FNBP1: variants seen among roughly 807,000 people sequenced by gnomAD.
FNBP1 encodes formin binding protein 1, also known as formin-binding protein 1.
A neutral mutation model predicts 90.6 loss-of-function variants in FNBP1; 26 were observed. That is an observed-to-expected ratio of 0.29 (90% CI 0.21 to 0.40). The LOEUF (loss-of-function observed/expected upper bound fraction) is 0.40, where lower values mean the gene tolerates loss of function less well. FNBP1 is among the 10% of genes least tolerant of loss of function. The pLI is 1.00. For missense variants in FNBP1, 635 were observed against 768.0 expected (o/e 0.83, Z 2.05); for synonymous variants, 260 against 265.2 (o/e 0.98, Z 0.19).
chr9:130,000,948 G>C (rs2054742576), intron 1 of FNBP1, among the ~76,000 whole-genome samples: 1 of 152,182 alleles, frequency 6.6e-6, no homozygotes, highest in Non-Finnish European at 1.5e-5. Context: ...CTATTAAAAA[G>C]ATGTATCTTC....
chr9:130,018,209 C>T (rs940503142), intron 1 of FNBP1, among the ~76,000 whole-genome samples: 32 of 151,218 alleles, frequency 2.1e-4, no homozygotes, highest in African/African-American at 6.8e-4. Context: ...CCACTGGGCC[C>T]GGCTAATACT....
intron 12 of FNBP1, among the ~76,000 whole-genome samples, chr9:129,906,384 T>C (rs1002173626): frequency 1.3e-5 from 2 of 152,150 alleles, no homozygotes; most frequent in East Asian, 1.9e-4. Context: ...CATCTTGAAT[T>C]GTAGCTCCCA....
chr9:129,938,899 G>T (rs2043903070), intron 6 of FNBP1, among the ~76,000 whole-genome samples: 1 of 152,074 alleles, frequency 6.6e-6, no homozygotes, highest in African/African-American at 2.4e-5. Flanking sequence ...TCCAAGACTT[G>T]GCCCCCCTTT....
intron 15 of FNBP1, among the ~76,000 whole-genome samples, chr9:129,898,100 G>A (rs1427694127): frequency 6.6e-6 from 1 of 152,102 alleles, no homozygotes; most frequent in Non-Finnish European, 1.5e-5. Flanking sequence ...AAAGTTCTAG[G>A]ATTACAGGCG....
At chr9:130,004,981 G>A (rs1476720370) in intron 1 of FNBP1, among the ~76,000 whole-genome samples, 12 of 148,928 alleles carry the variant, frequency 8.1e-5, no homozygotes, top group African/African-American at 1.5e-4. Context: ...CAGGAGAATC[G>A]CTTGAACCCA....
chr9:129,930,757 G>T (rs1340434428), intron 6 of FNBP1, among the ~76,000 whole-genome samples: 2 of 152,138 alleles, frequency 1.3e-5, no homozygotes, highest in Non-Finnish European at 2.9e-5. Context: ...TACCACCTTA[G>T]ATTCACATAG....
At chr9:129,921,790 ACCAGCTGTTGATT>A (rs1314028936) in intron 10 of FNBP1, among the ~76,000 whole-genome samples, 1 of 152,134 alleles carries the variant, frequency 6.6e-6, no homozygotes, top group African/African-American at 2.4e-5. Context: ...TTTACTAGTA[ACCAGCTGTTGATT>A]CCAAGTCTAA....
chr9:129,918,913 C>T, intron 10 of FNBP1: 1 of 179,794 alleles, frequency 5.6e-6, no homozygotes, highest in Admixed American at 5.6e-5. Context: ...CAGCTCACCA[C>T]TGTTATTAGA....
At chr9:130,004,830 CT>C (rs1470943464) in intron 1 of FNBP1, among the ~76,000 whole-genome samples, 1 of 152,158 alleles carries the variant, frequency 6.6e-6, no homozygotes, top group Non-Finnish European at 1.5e-5. Flanking sequence ...CTTTGGGAGG[CT>C]GAGGTGGGTG....
intron 12 of FNBP1, among the ~76,000 whole-genome samples, chr9:129,904,518 C>A (rs112076403): frequency 0.013 from 1,972 of 152,226 alleles, 19 homozygotes; most frequent in Middle Eastern, 0.027. Flanking sequence ...CCATACAATA[C>A]AATAGAAGGC....
At chr9:129,993,345 G>T (rs996120838) in intron 2 of FNBP1, among the ~76,000 whole-genome samples, 2 of 151,794 alleles carry the variant, frequency 1.3e-5, no homozygotes, top group Non-Finnish European at 2.9e-5. Flanking sequence ...TATACAACAT[G>T]AAATCATTAA....
At chr9:129,893,112 A>T (rs2035276430) in intron 16 of FNBP1, among the ~76,000 whole-genome samples, 1 of 152,144 alleles carries the variant, frequency 6.6e-6, no homozygotes, top group Non-Finnish European at 1.5e-5. Context: ...TGAGTTTGTC[A>T]TCGGATAGAA....
rs555144141 is a variant in FNBP1 at position 129,961,676 on chromosome 9, C to G, written c.346-3123G>C. On this transcript the variant is annotated intron_variant, in intron 4 of 16. Transcript: ENST00000446176. ...TCTGCCTCCCTGTGACCTCTGCCTC[C>G]CGGGTTCAAGTGATTCTCCTGCCTC... is the stretch of plus-strand genomic sequence containing the variant. 2.6e-5 allele frequency among the ~76,000 whole-genome samples: 4 copies of G among 152,140 alleles called. No individual in the cohort carries two copies. In the East Asian group the frequency reaches 7.7e-4, roughly 29 times the overall value.
At chr9:130,036,802 T>C (rs973876590) in intron 1 of FNBP1, among the ~76,000 whole-genome samples, 1 of 151,860 alleles carries the variant, frequency 6.6e-6, no homozygotes, top group Non-Finnish European at 1.5e-5. Context: ...TCCCAACACT[T>C]TGGGAGGCCG....
Position 129,919,004 on chromosome 9 carries a change from T to TC in FNBP1, c.1171-3025_1171-3024insG, listed in dbSNP as rs1025566779. 1.3e-4 allele frequency: 27 copies of TC among 208,312 alleles called. 1 individual carries two copies. Among genetic ancestry groups the TC allele is most frequent in the African/African-American group, 5.1e-4 (22 of 43,284 alleles). 12.9% of individuals were successfully genotyped at this position (208,312 alleles called of 1,614,324 possible). A position where few individuals can be genotyped will look rare whatever the true frequency, so the allele number is the denominator to read the frequency against. On this transcript the variant is annotated intron_variant, in intron 10 of 16. Transcript: ENST00000446176. Reference sequence around the variant, plus strand: ...TTTATACAATTAGGCTTTTCTTTTTTTTTTTTTTTCCTGGTGTCCAGTTCT... The same window carrying TC: ...TTTATACAATTAGGCTTTTCTTTTTTCTTTTTTTTTCCTGGTGTCCAGTTCT...
At chr9:129,902,656 G>C (rs1007665109) in intron 13 of FNBP1, among the ~76,000 whole-genome samples, 14 of 152,100 alleles carry the variant, frequency 9.2e-5, no homozygotes, top group African/African-American at 2.9e-4. Flanking sequence ...ACATTGTCAG[G>C]TTTTACAGCC....
At chr9:129,985,961 CAAAAAAAAAAA>C (rs898462142) in intron 2 of FNBP1, among the ~76,000 whole-genome samples, 9 of 45,132 alleles carry the variant, frequency 2.0e-4, no homozygotes, top group Admixed American at 1.2e-3. Flanking sequence ...AGCTCCATCT[CAAAAAAAAAAA>C]AAAAAAAAAA....
intron 4 of FNBP1, among the ~76,000 whole-genome samples, chr9:129,974,274 C>A (rs1008524873): frequency 6.6e-6 from 1 of 152,188 alleles, no homozygotes; most frequent in Non-Finnish European, 1.5e-5. Flanking sequence ...GGGGACCCCC[C>A]AGCTCTGCAA....
chr9:129,984,702 G>A (rs1377403197), intron 2 of FNBP1, among the ~76,000 whole-genome samples: 3 of 152,072 alleles, frequency 2.0e-5, no homozygotes, highest in South Asian at 2.1e-4. Flanking sequence ...ACATGCAGTG[G>A]AAGGGACCCA....
Sources: gnomAD v4.1 joint callset for allele counts (sites outside exome capture counted in the v4.1 genomes callset) on GRCh38, gnomAD v4.1.1 for gene constraint, MANE v1.5 for transcripts, NCBI Gene and HGNC (gene_info 2026-07-23, HGNC 2026-07-21) for gene names.